Variants in ALPK2 observed in about 807,000 individuals in gnomAD.
ALPK2 encodes alpha kinase 2.
ALPK2 carries 127 observed loss-of-function variants against 163.1 expected under a neutral mutation model. The observed-to-expected ratio is 0.78, with a 90% CI of 0.67 to 0.90. The LOEUF (loss-of-function observed/expected upper bound fraction) is 0.90. Ranked by LOEUF, ALPK2 falls within the 40% of genes least tolerant of loss-of-function variation. The pLI is 0.00. For missense variants in ALPK2, 2,360 were observed against 2,589.6 expected (o/e 0.91, Z 1.92); for synonymous variants, 953 against 959.1 (o/e 0.99, Z 0.12).
At chr18:58,574,886 G>T (rs965135616) in intron 4 of ALPK2, among the ~76,000 whole-genome samples, 10 of 152,112 alleles carry the variant, frequency 6.6e-5, no homozygotes, top group African/African-American at 2.4e-4. Context: ...GAAAATAAAG[G>T]CCATAAAGTG....
At chr18:58,597,659 C>T (rs2052047573) in intron 3 of ALPK2, among the ~76,000 whole-genome samples, 1 of 152,158 alleles carries the variant, frequency 6.6e-6, no homozygotes, top group Admixed American at 6.5e-5. Flanking sequence ...GGTCCCTGTC[C>T]ACCCCCACTG....
At chr18:58,505,571 C>T (rs985845148) in intron 10 of ALPK2, among the ~76,000 whole-genome samples, 6 of 152,108 alleles carry the variant, frequency 3.9e-5, no homozygotes, top group African/African-American at 1.4e-4. Flanking sequence ...TCTCCTCCAT[C>T]AATATTCCCT....
chr18:58,565,521 C>T (rs180828059), intron 4 of ALPK2, among the ~76,000 whole-genome samples: 2 of 152,250 alleles, frequency 1.3e-5, no homozygotes, highest in East Asian at 3.9e-4. Flanking sequence ...TTATCTCTTC[C>T]ATAAACTTTG....
At chr18:58,513,567 G>A (rs1181028607) in intron 10 of ALPK2, among the ~76,000 whole-genome samples, 4 of 152,130 alleles carry the variant, frequency 2.6e-5, no homozygotes, top group Admixed American at 2.6e-4. Context: ...ACAATTTTGT[G>A]TTCTTTTCTT....
intron 3 of ALPK2, among the ~76,000 whole-genome samples, chr18:58,583,777 G>A (rs12606989): frequency 2.6e-5 from 4 of 151,972 alleles, no homozygotes; most frequent in African/African-American, 7.3e-5. Flanking sequence ...AAGGCGGGGG[G>A]GCTGTGGCAG....
chr18:58,513,142 GGTAT>G (rs2051502872), intron 10 of ALPK2, among the ~76,000 whole-genome samples: 1 of 148,986 alleles, frequency 6.7e-6, no homozygotes. Flanking sequence ...TAATCTGTGT[GGTAT>G]GTATGTGTGG....
intron 1 of ALPK2, among the ~76,000 whole-genome samples, chr18:58,627,169 G>A (rs1439592972): frequency 3.9e-5 from 6 of 152,014 alleles, no homozygotes; most frequent in African/African-American, 1.2e-4. Context: ...CAACTGCATC[G>A]CATCACAGGG....
chr18:58,596,641 C>G (rs916082365), intron 3 of ALPK2, among the ~76,000 whole-genome samples: 10 of 152,212 alleles, frequency 6.6e-5, no homozygotes, highest in Non-Finnish European at 1.0e-4. Context: ...CTCACCCAGT[C>G]CCCTAAGGAT....
intron 4 of ALPK2, among the ~76,000 whole-genome samples, chr18:58,554,217 T>G (rs1381244672): frequency 6.6e-6 from 1 of 152,220 alleles, no homozygotes; most frequent in African/African-American, 2.4e-5. Context: ...TTAGCTCAGC[T>G]ATCGTCTTTG....
chr18:58,537,272 G>C lies in ALPK2; in HGVS notation c.2915C>G (p.Thr972Arg), dbSNP rs1251096661. The C allele has an allele frequency of 6.2e-7, 1 of 1,614,102 alleles. No individual in the cohort carries two copies. Among genetic ancestry groups the C allele is most frequent in the Non-Finnish European group, 8.5e-7 (1 of 1,180,028 alleles). ...KSPSPSAADT[T>R]ATPASYSSIV... ...TGAACTATAACTGGCTGGTGTGGCTGTGGTGTCTGCGGCACTAGGACTGGG... is the reference window on the plus strand; with the variant it reads ...TGAACTATAACTGGCTGGTGTGGCTCTGGTGTCTGCGGCACTAGGACTGGG... Residue 972 changes from threonine (T) to arginine (R), a missense_variant, in exon 5 of 13, where the codon ACA becomes AGA. Transcript: ENST00000361673.
chr18:58,579,550 T>C lies in ALPK2; in HGVS notation c.1226A>G (p.Glu409Gly). Residue 409 changes from glutamate (E) to glycine (G), a missense_variant, in exon 4 of 13, where the codon GAA (glutamate) becomes GGA (glycine). Coordinates refer to ENST00000361673, the MANE Select transcript of ALPK2 (RefSeq NM_052947.4). ...GFCGHHSQPQEVGVRSSRVSK... is the reference protein window; with the variant it reads ...GFCGHHSQPQGVGVRSSRVSK... ...GACTCTGCTGCTCCTCACCCCAACT[T>C]CTTGGGGTTGTGAGTGATGACCACA... is the stretch of plus-strand genomic sequence containing the variant. The C allele has an allele frequency of 6.2e-7, 1 of 1,613,336 alleles. No homozygotes were observed. Among genetic ancestry groups the C allele is most frequent in the Non-Finnish European group, 8.5e-7 (1 of 1,179,940 alleles).
chr18:58,487,911 C>T (rs924911450), intron 12 of ALPK2, among the ~76,000 whole-genome samples: 2 of 152,202 alleles, frequency 1.3e-5, no homozygotes, highest in Non-Finnish European at 2.9e-5. Context: ...ATAGTCTTTT[C>T]TCAACTATAT....
At chr18:58,614,837 C>A (rs1236917477) in intron 1 of ALPK2, among the ~76,000 whole-genome samples, 1 of 152,196 alleles carries the variant, frequency 6.6e-6, no homozygotes, top group Non-Finnish European at 1.5e-5. Context: ...CACCACAATC[C>A]ATTTTAGAGC....
chr18:58,578,849 T>C lies in ALPK2; in HGVS notation c.1927A>G (p.Thr643Ala). Reference protein sequence around the residue: ...EGMQVNTLFETSQVPDWSDPP... With the variant: ...EGMQVNTLFEASQVPDWSDPP... ...TCACTCCAGTCTGGAACCTGGCTTG[T>C]TTCAAATAGAGTATTAACTTGCATG... The change falls in exon 4 of 13, where the codon ACA becomes GCA. Residue 643 changes from threonine (T) to alanine (A), a missense_variant. Coordinates refer to ENST00000361673, the MANE Select transcript of ALPK2 (RefSeq NM_052947.4). 1.2e-6 allele frequency: 2 copies of C among 1,614,018 alleles called. No individual in the cohort carries two copies. Among genetic ancestry groups the C allele is most frequent in the Non-Finnish European group, 1.7e-6 (2 of 1,180,014 alleles).
At chr18:58,531,827 A>T (rs1353603135) in intron 5 of ALPK2, among the ~76,000 whole-genome samples, 1 of 145,920 alleles carries the variant, frequency 6.9e-6, no homozygotes, top group South Asian at 2.2e-4. Flanking sequence ...AGTCCCAGCT[A>T]CTCGGGAGGC....
chr18:58,584,491 C>T (rs924077564), intron 3 of ALPK2, among the ~76,000 whole-genome samples: 4 of 152,188 alleles, frequency 2.6e-5, no homozygotes, highest in Admixed American at 1.3e-4. Context: ...CTGCCTGGCT[C>T]TGTGGTTGCT....
At chr18:58,515,272 C>T (rs757443769) in intron 9 of ALPK2, among the ~76,000 whole-genome samples, 191 bp from the exon 10 acceptor site, 3 of 152,136 alleles carry the variant, frequency 2.0e-5, no homozygotes, top group Non-Finnish European at 2.9e-5. Context: ...AGCTCTGAGA[C>T]GTCAAGGAAC....
Position 58,548,390 on chromosome 18 carries a change from G to A in ALPK2, c.1963-10166C>T, listed in dbSNP as rs76167368. ...GTCCATATCACAGTGGTGCGATCTC[G>A]GCTTATAGCAACATCTGCCATCCAG... On this transcript the variant is annotated intron_variant, in intron 4 of 12. Transcript: ENST00000361673. Among the ~76,000 whole-genome samples, 88 of 151,160 alleles carry A rather than the reference G, an allele frequency of 5.8e-4. 1 individual carries two copies. In the East Asian group the frequency reaches 7.4e-3, roughly 13 times the overall value.
intron 2 of ALPK2, among the ~76,000 whole-genome samples, chr18:58,610,095 C>A (rs1322902454): frequency 1.3e-5 from 2 of 151,896 alleles, no homozygotes. Flanking sequence ...GCCGACATAG[C>A]GAAACCCCAT....
Sources: gnomAD v4.1 joint callset for allele counts (sites outside exome capture counted in the v4.1 genomes callset) on GRCh38, gnomAD v4.1.1 for gene constraint, MANE v1.5 for transcripts, NCBI Gene and HGNC (gene_info 2026-07-23, HGNC 2026-07-21) for gene names.